ELAVL2: variants seen among roughly 807,000 people sequenced by gnomAD.
ELAVL2 encodes the protein ELAV like RNA binding protein 2.
ELAVL2 carries 4 observed loss-of-function variants against 34.6 expected under a neutral mutation model. That is an observed-to-expected ratio of 0.12 (90% CI 0.06 to 0.26). ELAVL2 has a LOEUF of 0.26. Ranked by LOEUF, ELAVL2 falls within the 10% of genes least tolerant of loss-of-function variation. ELAVL2 has a pLI of 1.00. For missense variants in ELAVL2, 432 were observed against 442.8 expected (o/e 0.98, Z 0.22); for synonymous variants, 193 against 154.8 (o/e 1.25, Z -1.83).
chr9:23,832,984 A>G, the ELAVL2 span, among the ~76,000 whole-genome samples: 1 of 152,120 alleles, frequency 6.6e-6, no homozygotes, highest in African/African-American at 2.4e-5. Context: ...AATATAGGTC[A>G]TGAAATCTCA....
chr9:23,790,904 A>G (rs2060248879), intron 1 of ELAVL2, among the ~76,000 whole-genome samples: 1 of 152,266 alleles, frequency 6.6e-6, no homozygotes, highest in South Asian at 2.1e-4. Flanking sequence ...TAACCTCTAC[A>G]TGTTCTCTAA....
chr9:23,743,998 C>T (rs746362563), intron 2 of ELAVL2, among the ~76,000 whole-genome samples: 1 of 152,164 alleles, frequency 6.6e-6, no homozygotes, highest in Non-Finnish European at 1.5e-5. Flanking sequence ...ACTTGGCAAA[C>T]ACATTTTAAG....
intron 3 of ELAVL2, among the ~76,000 whole-genome samples, chr9:23,718,936 A>G (rs1204410968): frequency 6.6e-6 from 1 of 152,194 alleles, no homozygotes; most frequent in Non-Finnish European, 1.5e-5. Context: ...AGCTTTAACA[A>G]AAAATAATTA....
At chr9:23,756,256 C>A (rs1016049310) in intron 2 of ELAVL2, among the ~76,000 whole-genome samples, 2 of 152,150 alleles carry the variant, frequency 1.3e-5, no homozygotes, top group African/African-American at 4.8e-5. Context: ...AGCCCTAAGG[C>A]GTGCTGGGGC....
At chr9:23,839,391 T>A in the ELAVL2 span, among the ~76,000 whole-genome samples, 1 of 152,122 alleles carries the variant, frequency 6.6e-6, no homozygotes, top group African/African-American at 2.4e-5. Flanking sequence ...AAACCAAACA[T>A]GACTGCGGCA....
chr9:23,802,409 T>C (rs2061675621), intron 1 of ELAVL2, among the ~76,000 whole-genome samples: 1 of 152,228 alleles, frequency 6.6e-6, no homozygotes. Context: ...TTGCTAGTGA[T>C]AGAATCTGGT....
intron 1 of ELAVL2, among the ~76,000 whole-genome samples, chr9:23,763,430 G>A (rs1317893464): frequency 6.6e-6 from 1 of 152,032 alleles, no homozygotes; most frequent in African/African-American, 2.4e-5. Flanking sequence ...ATCACTGAAA[G>A]GATTATCCTT....
At chr9:23,695,354 T>C (rs192746129) in intron 5 of ELAVL2, among the ~76,000 whole-genome samples, 5 of 152,282 alleles carry the variant, frequency 3.3e-5, no homozygotes, top group African/African-American at 1.2e-4. Context: ...AGTTACATCA[T>C]CTATGCCCAT....
At chr9:23,706,552 C>CATT (rs1431261533) in intron 3 of ELAVL2, among the ~76,000 whole-genome samples, 2 of 152,162 alleles carry the variant, frequency 1.3e-5, no homozygotes, top group African/African-American at 2.4e-5. Context: ...TTCCTGATCG[C>CATT]ATTCCCTTTG....
intron 3 of ELAVL2, among the ~76,000 whole-genome samples, chr9:23,709,261 A>T (rs2040268217): frequency 6.6e-6 from 1 of 152,094 alleles, no homozygotes; most frequent in Non-Finnish European, 1.5e-5. Context: ...TTCCTGGAAA[A>T]CATTTCTTCT....
intron 1 of ELAVL2, among the ~76,000 whole-genome samples, chr9:23,767,147 T>C (rs1301467520): frequency 1.3e-5 from 2 of 152,306 alleles, no homozygotes; most frequent in East Asian, 1.9e-4. Flanking sequence ...GTAGGTTTTA[T>C]TGGGAAATAG....
At chr9:23,722,282 A>G (rs2043930749) in intron 3 of ELAVL2, among the ~76,000 whole-genome samples, 1 of 152,212 alleles carries the variant, frequency 6.6e-6, no homozygotes, top group Non-Finnish European at 1.5e-5. Flanking sequence ...CTACCAGAAA[A>G]ACATTGTCGA....
chr9:23,700,426 C>T (rs2036776786), intron 5 of ELAVL2, among the ~76,000 whole-genome samples: 1 of 152,028 alleles, frequency 6.6e-6, no homozygotes, highest in African/African-American at 2.4e-5. Context: ...GTTTGTTATC[C>T]CAGGATCAGA....
chr9:23,822,333 G>T (rs2138623917), intron 1 of ELAVL2, among the ~76,000 whole-genome samples: 1 of 152,292 alleles, frequency 6.6e-6, no homozygotes, highest in Admixed American at 6.5e-5. Context: ...TCTCTAGAGA[G>T]AACCTGACGT....
At chr9:23,700,992 T>G (rs2037000385) in intron 5 of ELAVL2, among the ~76,000 whole-genome samples, 1 of 152,146 alleles carries the variant, frequency 6.6e-6, no homozygotes, top group Admixed American at 6.5e-5. Flanking sequence ...CCAGGTAACT[T>G]CTGGTTGCTG....
At position 23,822,237 on chromosome 9, in the gene ELAVL2, TTC is replaced by T. The variant is rs144337317; in HGVS notation, c.-16+3567_-16+3568del. The stretch of plus-strand genomic sequence containing the variant: ...CACATATGTGTGTCTCTTTTAAAAA[TTC>T]TCTTTTTCCCCCTACTTCGCAGCCA... On this transcript the variant is annotated intron_variant, in intron 1 of 6. Coordinates refer to ENST00000397312, the MANE Select transcript of ELAVL2 (RefSeq NM_004432.5). 2.4e-3 allele frequency among the ~76,000 whole-genome samples: 359 copies of T among 152,222 alleles called. 3 individuals carry two copies. The highest frequency in any genetic ancestry group is 8.3e-3 in the African/African-American group (343 of 41,530).
At chr9:23,839,024 A>T in the ELAVL2 span, among the ~76,000 whole-genome samples, 3 of 152,176 alleles carry the variant, frequency 2.0e-5, no homozygotes, top group African/African-American at 7.2e-5. Flanking sequence ...GTCTCTGAAC[A>T]TTCTTACTTA....
At chr9:23,728,519 G>C (rs147728299) in intron 3 of ELAVL2, among the ~76,000 whole-genome samples, 1 of 152,092 alleles carries the variant, frequency 6.6e-6, no homozygotes, top group Non-Finnish European at 1.5e-5. Context: ...TAAAACAGTA[G>C]AGAAACACCA....
chr9:23,751,956 G>GA (rs1311470534), intron 2 of ELAVL2, among the ~76,000 whole-genome samples: 1 of 152,108 alleles, frequency 6.6e-6, no homozygotes, highest in Admixed American at 6.6e-5. Context: ...TCCACCCCTG[G>GA]AAAATCAATT....
Sources: allele counts gnomAD v4.1 joint callset (sites outside exome capture counted in the v4.1 genomes callset), GRCh38; gene constraint gnomAD v4.1.1; transcripts MANE v1.5; gene names NCBI Gene and HGNC (gene_info 2026-07-23, HGNC 2026-07-21).